ZAP70: variants seen among roughly 807,000 people sequenced by gnomAD.
ZAP70 encodes tyrosine-protein kinase ZAP-70.
ZAP70 carries 27 observed loss-of-function variants against 65.8 expected under a neutral mutation model. That is an observed-to-expected ratio of 0.41 (90% CI 0.30 to 0.57). ZAP70 has a LOEUF of 0.57. Ranked by LOEUF, ZAP70 falls within the 20% of genes least tolerant of loss-of-function variation. The probability of loss-of-function intolerance (pLI) is 0.28; values close to 1 mark genes in which losing one functional copy is unlikely to be tolerated. For missense variants in ZAP70, 696 were observed against 870.5 expected, an observed-to-expected ratio of 0.80 and a Z score of 2.52; for synonymous variants, 363 against 360.8, an observed-to-expected ratio of 1.01 and a Z score of -0.07.
At chr2:97,746,789 A>G in the ZAP70 span, among the ~76,000 whole-genome samples, 1 of 152,258 alleles carries the variant, frequency 6.6e-6, no homozygotes, top group African/African-American at 2.4e-5. Flanking sequence ...TTGAAAAGAG[A>G]ACTCACAGAA....
At chr2:97,717,512 G>A (rs1676985211) in intron 2 of ZAP70, among the ~76,000 whole-genome samples, 1 of 152,080 alleles carries the variant, frequency 6.6e-6, no homozygotes, top group African/African-American at 2.4e-5. Context: ...TGGCTGGGGG[G>A]ACATGTGGAG....
chr2:97,725,454 CG>C (rs1275791764), intron 4 of ZAP70, among the ~76,000 whole-genome samples: 2 of 152,182 alleles, frequency 1.3e-5, no homozygotes, highest in African/African-American at 4.8e-5. Flanking sequence ...CCTCCAGACT[CG>C]GTCCCTTGGC....
Position 97,735,407 on chromosome 2 carries a change from A to T in ZAP70, c.1240A>T (p.Met414Leu), listed in dbSNP as rs1677828656. 6.2e-7 allele frequency: 1 copy of T among 1,611,134 alleles called. No individual in the cohort carries two copies. The highest frequency in any genetic ancestry group is 1.3e-5 in the African/African-American group (1 of 74,884). Reference protein sequence around the residue: ...VCQAEALMLVMEMAGGGPLHK... With the variant: ...VCQAEALMLVLEMAGGGPLHK... ...CCAGGCCGAGGCCCTCATGCTGGTC[A>T]TGGAGATGGCTGGGGGCGGGCCGCT... Residue 414 changes from methionine (M) to leucine (L), a missense_variant, in exon 10 of 14, where the codon ATG (methionine) becomes TTG (leucine). Physicochemically the swap from Met to Leu is conservative, Grantham distance 15. Coordinates refer to ENST00000264972, the MANE Select transcript of ZAP70 (RefSeq NM_001079.4).
the ZAP70 span, among the ~76,000 whole-genome samples, chr2:97,745,813 A>G: frequency 3.9e-5 from 6 of 152,322 alleles, no homozygotes; most frequent in African/African-American, 1.4e-4. Flanking sequence ...TTAAGTATAC[A>G]CCCCAGTGAA....
the ZAP70 span, among the ~76,000 whole-genome samples, chr2:97,748,640 C>G: frequency 6.6e-6 from 1 of 152,204 alleles, no homozygotes; most frequent in African/African-American, 2.4e-5. Flanking sequence ...GGTTCTGGGC[C>G]ATCCCCTCAC....
intron 8 of ZAP70, 159 bp downstream of exon 8, chr2:97,733,754 C>A: frequency 2.4e-6 from 2 of 834,708 alleles, no homozygotes; most frequent in South Asian, 3.0e-5. Flanking sequence ...CCACACCCAT[C>A]ACACCTGCCT....
At chr2:97,746,623 C>T in the ZAP70 span, among the ~76,000 whole-genome samples, 1 of 152,236 alleles carries the variant, frequency 6.6e-6, no homozygotes, top group Admixed American at 6.5e-5. Context: ...GGGAGCAATA[C>T]ATTTCTGTTG....
At chr2:97,740,074 C>T (rs1252786866), downstream of ZAP70, among the ~76,000 whole-genome samples, 1 of 152,032 alleles carries the variant, frequency 6.6e-6, no homozygotes, top group Non-Finnish European at 1.5e-5. Flanking sequence ...GGGTGTGGGC[C>T]CAAGGGCTGC....
At position 97,739,786 on chromosome 2, in the gene ZAP70, G is replaced by GCCCCT; in HGVS notation, c.*288_*289insCCCCT. On this transcript the variant is annotated 3_prime_UTR_variant, in exon 14 of 14. Coordinates refer to ENST00000264972, the MANE Select transcript of ZAP70 (RefSeq NM_001079.4). ...TTGCTTACACGGATGCCTTCCCCTGGGCCCTGACATTGGAGCCTGGGCATC... is the reference window on the plus strand; with the variant it reads ...TTGCTTACACGGATGCCTTCCCCTGGCCCCTGCCCTGACATTGGAGCCTGGGCATC... 2.1e-6 allele frequency: 1 copy of GCCCCT among 479,040 alleles called. No individual in the cohort carries two copies. The highest frequency in any genetic ancestry group is 3.8e-6 in the Non-Finnish European group (1 of 265,714). 29.7% of individuals were successfully genotyped at this position (479,040 alleles called of 1,614,324 possible). A position where few individuals can be genotyped will look rare whatever the true frequency, so the allele number is the denominator to read the frequency against.
the ZAP70 span, among the ~76,000 whole-genome samples, chr2:97,747,674 A>G: frequency 6.6e-6 from 1 of 152,138 alleles, no homozygotes; most frequent in Admixed American, 6.5e-5. Flanking sequence ...GTTGCCCATC[A>G]CTGTTAATAC....
intron 13 of ZAP70, among the ~76,000 whole-genome samples, chr2:97,739,046 C>A (rs552621369): frequency 1.3e-5 from 2 of 152,306 alleles, no homozygotes; most frequent in South Asian, 4.1e-4. Context: ...CATCAGCTTT[C>A]TATATCCCAG....
At chr2:97,751,813 G>C in the ZAP70 span, among the ~76,000 whole-genome samples, 1 of 152,226 alleles carries the variant, frequency 6.6e-6, no homozygotes, top group African/African-American at 2.4e-5. Flanking sequence ...AAGGGAGGAA[G>C]AGGGAGGTGG....
intron 2 of ZAP70, among the ~76,000 whole-genome samples, chr2:97,719,687 G>T (rs561480597): frequency 3.3e-5 from 5 of 152,178 alleles, no homozygotes; most frequent in Admixed American, 2.6e-4. Flanking sequence ...GTATCTTCCA[G>T]TTCCTTTCCC....
Position 97,715,850 on chromosome 2 carries a change from C to A in ZAP70, c.-22+1856C>A, listed in dbSNP as rs924881161. ...GCAAAGGGTAGTGCAGTCCCCAGCA[C>A]AGAGGCTGTTGTGATTGTCCTTACA... On this transcript the variant is annotated intron_variant, in intron 2 of 13. Transcript: ENST00000264972. The surrounding 1 kb of genome is among the most constrained non-coding windows in gnomAD (Gnocchi z 4.1). Among the ~76,000 whole-genome samples, 1 of 152,222 alleles carries A rather than the reference C, an allele frequency of 6.6e-6. No homozygotes were observed. The highest frequency in any genetic ancestry group is 2.4e-5 in the African/African-American group (1 of 41,446).
In ZAP70 at chr2:97,724,806, A is replaced by G. The variant is rs1040285681; in HGVS notation, c.403-286A>G. Reference sequence around the variant, plus strand: ...GTGGCTGTTGGGGAAGATGGGCAGTAGTCGTCCACAGCCTGAGTGACACCA... The same window carrying G: ...GTGGCTGTTGGGGAAGATGGGCAGTGGTCGTCCACAGCCTGAGTGACACCA... On this transcript the variant is annotated intron_variant, in intron 3 of 13. Transcript: ENST00000264972. 2.6e-5 allele frequency: 39 copies of G among 1,508,848 alleles called. No homozygotes were observed. In the African/African-American group the frequency reaches 3.2e-4, roughly 12 times the overall value. The allele number at this position is 1,508,848 out of a possible 1,614,324, so 93.5% of individuals were successfully genotyped here.
Position 97,733,318 on chromosome 2 carries a change from C to A in ZAP70, c.812C>A (p.Pro271Gln). The A allele has an allele frequency of 6.3e-7, 1 of 1,598,620 alleles. No homozygotes were observed. Among genetic ancestry groups the A allele is most frequent in the Non-Finnish European group, 8.5e-7 (1 of 1,171,326 alleles). Residue 271 changes from proline (P) to glutamine (Q), a missense_variant, in exon 7 of 14, where the codon CCA becomes CAA. Physicochemically the swap from Pro to Gln is moderately conservative, Grantham distance 76. Transcript: ENST00000264972. Reference sequence around the variant, plus strand: ...CCAGGGGCTGCTGCTCCCACACTCCCAGCCCACCCATCCACGTTGACTCAT... The same window carrying A: ...CCAGGGGCTGCTGCTCCCACACTCCAAGCCCACCCATCCACGTTGACTCAT... ...NASGAAAPTL[P>Q]AHPSTLTHPQ...
At chr2:97,722,479 A>C (rs1187621958) in intron 2 of ZAP70, among the ~76,000 whole-genome samples, 3 of 152,224 alleles carry the variant, frequency 2.0e-5, no homozygotes, top group African/African-American at 7.2e-5. Context: ...TCCTAAGGGC[A>C]AGAATGCTGT....
rs564408150 is a variant in ZAP70, at chr2:97,736,366, T to C, written c.1289+910T>C. 6.6e-6 allele frequency among the ~76,000 whole-genome samples: 1 copy of C among 152,334 alleles called. No individual in the cohort carries two copies. Among genetic ancestry groups the C allele is most frequent in the Non-Finnish European group, 1.5e-5 (1 of 68,024 alleles). On this transcript the variant is annotated intron_variant, in intron 10 of 13. Coordinates refer to ENST00000264972, the MANE Select transcript of ZAP70 (RefSeq NM_001079.4). The surrounding 1 kb of genome is among the most constrained non-coding windows in gnomAD (Gnocchi z 4.0). ...TCCCCAAGGCACGTTTTTGCTGATC[T>C]GTGCCCTCTGGCTGGTGCACACACC...
chr2:97,722,790 A>G (rs1345585538), intron 2 of ZAP70, among the ~76,000 whole-genome samples: 4 of 152,230 alleles, frequency 2.6e-5, no homozygotes, highest in Non-Finnish European at 4.4e-5. Flanking sequence ...CTATCCTTTT[A>G]TCCATCCCTC....
Sources: gnomAD v4.1 joint callset for allele counts (sites outside exome capture counted in the v4.1 genomes callset) on GRCh38, gnomAD v4.1.1 for gene constraint, Gnocchi (gnomAD v3.1) non-coding constraint, MANE v1.5 for transcripts, NCBI Gene and HGNC (gene_info 2026-07-23, HGNC 2026-07-21) for gene names.